Variants in MFN2 observed in about 807,000 individuals in gnomAD.
The protein encoded by MFN2 is mitofusin-2.
In MFN2, 43 loss-of-function variants were observed where a neutral mutation model predicts 87.5. The ratio of observed to expected loss-of-function variants is 0.49; its 90% CI spans 0.38 to 0.63. MFN2 has a LOEUF of 0.63. Among genes scored for constraint, MFN2 ranks in the 30% least tolerant of loss-of-function variants. The pLI, the probability that MFN2 is intolerant of heterozygous loss-of-function variation, is 0.00. For missense variants in MFN2, 743 were observed against 972.8 expected, an observed-to-expected ratio of 0.76 and a Z score of 3.14; for synonymous variants, 337 against 359.9, an observed-to-expected ratio of 0.94 and a Z score of 0.72.
In MFN2 at chr1:11,998,766, T is replaced by G. The variant is rs935328767; in HGVS notation, c.600-4T>G. 1 of 1,613,880 alleles carries G rather than the reference T, an allele frequency of 6.2e-7. No homozygotes were observed. The highest frequency in any genetic ancestry group is 8.5e-7 in the Non-Finnish European group (1 of 1,179,766). ...ATGATTTGGTTTACCCCTGTCACCTTTAGCCCTGGTATTGATGTCACCACA... is the reference window on the plus strand; with the variant it reads ...ATGATTTGGTTTACCCCTGTCACCTGTAGCCCTGGTATTGATGTCACCACA... On this transcript the variant is annotated splice_polypyrimidine_tract_variant and splice_region_variant and intron_variant, in intron 6 of 18. Transcript: ENST00000235329.
intron 2 of MFN2, among the ~76,000 whole-genome samples, chr1:11,988,430 CGG>C (rs1227375801): frequency 7.1e-6 from 1 of 141,254 alleles, no homozygotes; most frequent in Admixed American, 7.2e-5. Flanking sequence ...TAAATAGAGA[CGG>C]GGTCCTACAT....
chr1:11,994,583 C>G (rs553338673), intron 4 of MFN2, among the ~76,000 whole-genome samples: 7 of 151,748 alleles, frequency 4.6e-5, no homozygotes, highest in African/African-American at 1.7e-4. Flanking sequence ...GAGTGAGACT[C>G]CGTCTCAAAA....
At chr1:12,001,934 T>G in intron 10 of MFN2, 48 bp from the exon 11 acceptor site, 1 of 1,614,154 alleles carries the variant, frequency 6.2e-7, no homozygotes, top group Non-Finnish European at 8.5e-7. Flanking sequence ...CCCTTGGTTG[T>G]AGGCCCCTGG....
Position 11,992,979 on chromosome 1 carries a change from T to TTTTA in MFN2, c.311+289_311+290insTTTA, listed in dbSNP as rs60603721. On this transcript the variant is annotated intron_variant, in intron 4 of 18. Transcript: ENST00000235329. ...CCATCAAGCCTGACTTTTTTTTTTTTATTTTCTAATTAAGGTTAAAGGCAT... is the reference window on the plus strand; with the variant it reads ...CCATCAAGCCTGACTTTTTTTTTTTTTTTAATTTTCTAATTAAGGTTAAAGGCAT... Among the ~76,000 whole-genome samples the TTTTA allele has an allele frequency of 9.3e-5, 14 of 151,168 alleles. 1 individual carries two copies. The South Asian group carries it at 2.5e-3, about 27-fold the overall frequency.
chr1:11,997,365 G>A lies in MFN2; in HGVS notation c.543G>A (p.Val181=), dbSNP rs183226846. The part of the protein sequence containing the change: ...KQLHAGSLVS[V]MWPNSKCPLL... ...TCCATGCCGGCAGCCTAGTGAGTGT[G>A]ATGTGGCCCAACTCTAAGTGCCCAC... Residue 181 remains valine, a synonymous_variant, in exon 6 of 19, where the codon GTG becomes GTA. Transcript: ENST00000235329. 79 of 1,614,194 alleles carry A rather than the reference G, an allele frequency of 4.9e-5. No homozygotes were observed. The highest frequency in any genetic ancestry group is 1.1e-5 in the South Asian group (1 of 91,088).
chr1:12,009,765 G>C, intron 18 of MFN2, 39 bp downstream of exon 18: 2 of 1,613,604 alleles, frequency 1.2e-6, no homozygotes, highest in East Asian at 2.2e-5. Context: ...AGGGCTCCAG[G>C]GTGCAGCCCA....
intron 1 of MFN2, among the ~76,000 whole-genome samples, chr1:11,981,420 T>C (rs1557509004): frequency 6.6e-6 from 1 of 152,190 alleles, no homozygotes; most frequent in Non-Finnish European, 1.5e-5. Flanking sequence ...GGAGAATCGC[T>C]TGAACCCGGG....
chr1:11,998,877 CG>C lies in MFN2; in HGVS notation c.708+1del. 6.2e-7 allele frequency: 1 copy of C among 1,613,866 alleles called. No individual in the cohort carries two copies. The highest frequency in any genetic ancestry group is 1.1e-5 in the South Asian group (1 of 91,074). Reference protein sequence around the residue: ...VANSESTLMQTEKHFFHKVSE... With the variant: ...VANSESTLMQXEKHFFHKVSE... ...AACTCAGAGTCCACCCTGATGCAGA[CG>C]GTAACTCCTCCTCTGCCTTCTCCCA... On this transcript the variant is annotated frameshift_variant and splice_region_variant, in exon 7 of 19. Coordinates refer to ENST00000235329, the MANE Select transcript of MFN2 (RefSeq NM_014874.4). LOFTEE classifies it high-confidence loss of function.
In MFN2 at chr1:12,002,044, G is replaced by A; in HGVS notation, c.1101G>A (p.Gln367=). ...KFEQHTVRAK[Q]IAEAVRLIMD... Reference sequence around the variant, plus strand: ...AGCAGCACACGGTCCGGGCCAAGCAGATTGCAGAGGCGGTTCGACTCATCA... The same window carrying A: ...AGCAGCACACGGTCCGGGCCAAGCAAATTGCAGAGGCGGTTCGACTCATCA... The change falls in exon 11 of 19, where the codon CAG becomes CAA. Residue 367 remains glutamine (Q), a synonymous_variant. Coordinates refer to ENST00000235329, the MANE Select transcript of MFN2 (RefSeq NM_014874.4). 1 of 1,614,268 alleles carries A rather than the reference G, an allele frequency of 6.2e-7. No homozygotes were observed. The highest frequency in any genetic ancestry group is 8.5e-7 in the Non-Finnish European group (1 of 1,180,044).
chr1:12,003,208 C>T lies in MFN2; in HGVS notation c.1161-784C>T, dbSNP rs974406316. 4.6e-5 allele frequency among the ~76,000 whole-genome samples: 7 copies of T among 151,992 alleles called. No individual in the cohort carries two copies. Among genetic ancestry groups the T allele is most frequent in the East Asian group, 1.9e-4 (1 of 5,182 alleles). ...TGTGGCAATTCTGTTTTAGGGTACA[C>T]GCGTTTCCAGTTTTAGTCAGTTTTC... On this transcript the variant is annotated intron_variant, in intron 11 of 18. Coordinates refer to ENST00000235329, the MANE Select transcript of MFN2 (RefSeq NM_014874.4). The surrounding 1 kb of genome is among the most constrained non-coding windows in gnomAD (Gnocchi z 4.1).
intron 11 of MFN2, among the ~76,000 whole-genome samples, chr1:12,002,883 G>GTAATATGTAAATAA (rs1639238242): frequency 2.0e-5 from 3 of 152,186 alleles, no homozygotes; most frequent in African/African-American, 7.2e-5. Flanking sequence ...TTACATAAAT[G>GTAATATGTAAATAA]CTGAGGAATA....
chr1:11,994,404 C>T (rs1489542060), intron 4 of MFN2, among the ~76,000 whole-genome samples: 4 of 152,090 alleles, frequency 2.6e-5, no homozygotes, highest in Non-Finnish European at 4.4e-5. Flanking sequence ...CTGGCTAACA[C>T]GGTGAAACCC....
chr1:11,989,410 G>A (rs1638578570), intron 3 of MFN2, 67 bp downstream of exon 3: 24 of 1,562,768 alleles, frequency 1.5e-5, no homozygotes, highest in Non-Finnish European at 2.0e-5. Context: ...TGGGATTTGC[G>A]GGTGGGGAGG....
chr1:11,981,599 TC>T (rs1645985298), intron 1 of MFN2, among the ~76,000 whole-genome samples: 1 of 152,268 alleles, frequency 6.6e-6, no homozygotes, highest in South Asian at 2.1e-4. Context: ...ACATTGGCTT[TC>T]AGTCAGTTCT....
At chr1:11,998,941 C>T in intron 7 of MFN2, 47 bp from the exon 8 acceptor site, 4 of 1,612,042 alleles carry the variant, frequency 2.5e-6, no homozygotes, top group Non-Finnish European at 3.4e-6. Flanking sequence ...CTGATGGGGC[C>T]TTGGCTGTCA....
intron 6 of MFN2, among the ~76,000 whole-genome samples, chr1:11,998,061 T>G (rs1322398052): frequency 6.6e-6 from 1 of 151,132 alleles, no homozygotes; most frequent in African/African-American, 2.4e-5. Flanking sequence ...ATTTTGTATT[T>G]TTAGTAGAGA....
intron 17 of MFN2, among the ~76,000 whole-genome samples, chr1:12,008,966 G>T (rs1051097006): frequency 1.3e-5 from 2 of 152,264 alleles, no homozygotes; most frequent in Non-Finnish European, 2.9e-5. Flanking sequence ...GGGAGGCCGA[G>T]GCTGGCAGAT....
At chr1:11,998,125 G>T (rs775337742) in intron 6 of MFN2, among the ~76,000 whole-genome samples, 1 of 151,022 alleles carries the variant, frequency 6.6e-6, no homozygotes, top group East Asian at 2.0e-4. Context: ...CTCATGATCC[G>T]CCCACCTTAG....
intron 2 of MFN2, among the ~76,000 whole-genome samples, chr1:11,986,417 C>T (rs1638408334): frequency 6.6e-6 from 1 of 152,058 alleles, no homozygotes; most frequent in African/African-American, 2.4e-5. Context: ...TGCACACACC[C>T]CCTCATCCAG....
Sources: allele counts gnomAD v4.1 joint callset (sites outside exome capture counted in the v4.1 genomes callset), GRCh38; gene constraint gnomAD v4.1.1; non-coding constraint Gnocchi (gnomAD v3.1); transcripts MANE v1.5; gene names NCBI Gene and HGNC (gene_info 2026-07-23, HGNC 2026-07-21).